The following TRMT5 variants were observed in gnomAD, a reference collection of about 807,000 sequenced individuals.
The protein encoded by TRMT5 is tRNA (guanine(37)-N(1))-methyltransferase.
In TRMT5, 31 loss-of-function variants were observed where a neutral mutation model predicts 42.2. The observed-to-expected ratio is 0.73, with a 90% confidence interval of 0.55 to 0.99. The LOEUF is 0.99. TRMT5 is among the 50% of genes least tolerant of loss of function. The probability of loss-of-function intolerance (pLI) is 0.00; values close to 1 mark genes in which losing one functional copy is unlikely to be tolerated. For synonymous variants in TRMT5, 198 were observed against 209.6 expected (o/e 0.94, Z 0.48); for missense variants, 568 against 595.0 (o/e 0.95, Z 0.47).
Position 60,980,924 on chromosome 14 carries a change from C to G in TRMT5, c.11+39G>C, listed in dbSNP as rs770588616. On this transcript the variant is annotated intron_variant, in intron 1 of 4. Transcript: ENST00000261249. ...AGCAGCCCTGGGCGGGCTGGTACCT[C>G]CCCTGGACCATTAGCCCCTAACGCG... 6.8e-6 allele frequency: 11 copies of G among 1,612,538 alleles called. No individual in the cohort carries two copies. The East Asian group carries it at 2.2e-4, about 33-fold the overall frequency.
chr14:60,980,312 T>C (rs2036932727), intron 1 of TRMT5, among the ~76,000 whole-genome samples: 2 of 152,340 alleles, frequency 1.3e-5, no homozygotes, highest in South Asian at 4.1e-4. Context: ...GATACTGCGC[T>C]AAATGCTTTA....
upstream of TRMT5, chr14:60,981,501 C>T (rs1432377320): frequency 4.6e-6 from 7 of 1,535,538 alleles, no homozygotes; most frequent in Non-Finnish European, 6.1e-6. Context: ...GGAGCCTGAA[C>T]CCTGGGGGAT....
chr14:60,977,218 A>G (rs1276758480), intron 3 of TRMT5, among the ~76,000 whole-genome samples: 1 of 152,188 alleles, frequency 6.6e-6, no homozygotes, highest in Admixed American at 6.5e-5. Flanking sequence ...TTTGTCACTT[A>G]TATTGCTTTC....
intron 3 of TRMT5, among the ~76,000 whole-genome samples, chr14:60,977,035 T>C (rs1362312618): frequency 2.7e-5 from 4 of 150,572 alleles, no homozygotes; most frequent in Non-Finnish European, 5.9e-5. Context: ...TTTGTATGTA[T>C]ATTTTTTTTC....
upstream of TRMT5, chr14:60,981,424 G>A (rs755540095): frequency 1.9e-5 from 29 of 1,553,784 alleles, no homozygotes; most frequent in Non-Finnish European, 2.4e-5. Flanking sequence ...ACGCCCTCCG[G>A]CTTCCCTCAA....
chr14:60,980,753 C>T (rs1302131808), intron 1 of TRMT5: 1 of 701,268 alleles, frequency 1.4e-6, no homozygotes, highest in Non-Finnish European at 2.4e-6. Flanking sequence ...GGATAAATTA[C>T]TATAAGTCTC....
At chr14:60,977,030 A>G (rs1052082635) in intron 3 of TRMT5, among the ~76,000 whole-genome samples, 3 of 152,036 alleles carry the variant, frequency 2.0e-5, no homozygotes, top group African/African-American at 7.2e-5. Context: ...CCCAATTTGT[A>G]TGTATATTTT....
At position 60,981,071 on chromosome 14, in the gene TRMT5, G is replaced by T. The variant is rs1257187124; in HGVS notation, c.-98C>A. 3 of 1,605,206 alleles carry T rather than the reference G, an allele frequency of 1.9e-6. No individual in the cohort carries two copies. The highest frequency in any genetic ancestry group is 4.5e-5 in the East Asian group (2 of 44,752). On this transcript the variant is annotated 5_prime_UTR_variant, in exon 1 of 5. Coordinates refer to ENST00000261249, the MANE Select transcript of TRMT5 (RefSeq NM_020810.3). ...ATGTGGGTCGCGGGTGGATGGGCGGGTCTTCTATGACATCATCACTGTTCG... is the reference window on the plus strand; with the variant it reads ...ATGTGGGTCGCGGGTGGATGGGCGGTTCTTCTATGACATCATCACTGTTCG...
At position 60,979,684 on chromosome 14, in the gene TRMT5, A is replaced by G. The variant is rs183355161; in HGVS notation, c.214T>C (p.Leu72=). 6.8e-6 allele frequency: 11 copies of G among 1,614,126 alleles called. No individual in the cohort carries two copies. In the East Asian group the frequency reaches 1.8e-4, roughly 26 times the overall value. ...CGGACATCAGAAGGTGGTGAAAACA[A>G]TTCAGTCTCTCTCTCATGTGTTTCT... is the stretch of plus-strand genomic sequence containing the variant. ...ETETHERETE[L]FSPPSDVRGM... is the part of the protein sequence containing the mutation. The change falls in exon 2 of 5, where the codon TTG becomes CTG. Residue 72 remains leucine (L), a synonymous_variant. Coordinates refer to ENST00000261249, the MANE Select transcript of TRMT5 (RefSeq NM_020810.3).
At chr14:60,976,401 T>C (rs565296479) in intron 3 of TRMT5, among the ~76,000 whole-genome samples, 1 of 152,350 alleles carries the variant, frequency 6.6e-6, no homozygotes, top group East Asian at 1.9e-4. Flanking sequence ...TATAGGGCCA[T>C]GGCCATAAAG....
intron 1 of TRMT5, 34 bp downstream of exon 1, chr14:60,980,929 G>A (rs1202166910): frequency 6.2e-7 from 1 of 1,612,526 alleles, no homozygotes; most frequent in Non-Finnish European, 8.5e-7. Flanking sequence ...TACCTCCCCT[G>A]GACCATTAGC....
rs891997077 is a variant in TRMT5, at chr14:60,972,051, G to T, written c.*3058C>A. ...ACTAGAAGGGAAAGATGTTTTCCCCGTATCAATCCAGCTTCAGAGATATTC... is the reference window on the plus strand; with the variant it reads ...ACTAGAAGGGAAAGATGTTTTCCCCTTATCAATCCAGCTTCAGAGATATTC... On this transcript the variant is annotated 3_prime_UTR_variant, in exon 5 of 5. Transcript: ENST00000261249. The T allele has an allele frequency of 7.6e-6, 2 of 263,460 alleles. No homozygotes were observed. The highest frequency in any genetic ancestry group is 2.3e-5 in the African/African-American group (1 of 43,686). 16.3% of individuals were successfully genotyped at this position (263,460 alleles called of 1,614,324 possible). A position where few individuals can be genotyped will look rare whatever the true frequency, so the allele number is the denominator to read the frequency against.
chr14:60,979,605 A>G lies in TRMT5; in HGVS notation c.293T>C (p.Val98Ala), dbSNP rs1470802506. Residue 98 changes from valine (V) to alanine (A), a missense_variant, in exon 2 of 5, where the codon GTG (valine) becomes GCG (alanine). Transcript: ENST00000261249. ...TAFKKTVNIP[V>A]LKVRKEIVSK... ...GACTATTTCTTTCCTCACTTTAAGC[A>G]CTGGAATGTTGACTGTCTTTTTAAA... The G allele has an allele frequency of 6.2e-7, 1 of 1,614,114 alleles. No individual in the cohort carries two copies. Among genetic ancestry groups the G allele is most frequent in the Non-Finnish European group, 8.5e-7 (1 of 1,180,042 alleles).
At chr14:60,981,230 C>T (rs772184013), upstream of TRMT5, 2 of 1,562,812 alleles carry the variant, frequency 1.3e-6, no homozygotes, top group South Asian at 1.2e-5. Flanking sequence ...GAGCGCAGGG[C>T]AGGGGTAGAG....
In TRMT5 at chr14:60,974,978, C is replaced by T; in HGVS notation, c.*131G>A. 1 of 536,438 alleles carries T rather than the reference C, an allele frequency of 1.9e-6. No individual in the cohort carries two copies. 33.2% of individuals were successfully genotyped at this position (536,438 alleles called of 1,614,324 possible). ...GTTCAGTTAAAGTTTAATTGGTAAT[C>T]CTCAATTTGTAAAATAAGGCAAAGT... On this transcript the variant is annotated 3_prime_UTR_variant, in exon 5 of 5. Transcript: ENST00000261249.
upstream of TRMT5, chr14:60,981,491 G>A (rs2037016452): frequency 6.5e-7 from 1 of 1,536,874 alleles, no homozygotes; most frequent in Non-Finnish European, 8.7e-7. Flanking sequence ...GGGAGATGCT[G>A]GAGCCTGAAC....
chr14:60,977,421 A>T (rs2036861976), intron 3 of TRMT5, 93 bp downstream of exon 3: 1 of 1,309,838 alleles, frequency 7.6e-7, no homozygotes, highest in African/African-American at 1.5e-5. Flanking sequence ...ACTCACCAAC[A>T]CTGGATGTTA....
chr14:60,977,669 G>C, intron 2 of TRMT5, 31 bp from the exon 3 acceptor site: 1 of 1,547,558 alleles, frequency 6.5e-7, no homozygotes, highest in Non-Finnish European at 8.7e-7. Context: ...CCATAATACT[G>C]CCTATTGGTT....
rs773375166 is a variant in TRMT5 at position 60,979,697 on chromosome 14, C to T, written c.201G>A (p.Glu67=). 5.6e-6 allele frequency: 9 copies of T among 1,614,154 alleles called. No individual in the cohort carries two copies. The highest frequency in any genetic ancestry group is 7.6e-6 in the Non-Finnish European group (9 of 1,180,024). The change falls in exon 2 of 5, where the codon GAG becomes GAA. Residue 67 remains glutamate, a synonymous_variant. Coordinates refer to ENST00000261249, the MANE Select transcript of TRMT5 (RefSeq NM_020810.3). ...GTGGTGAAAACAATTCAGTCTCTCTCTCATGTGTTTCTGTTTCTGGCATGG... is the reference window on the plus strand; with the variant it reads ...GTGGTGAAAACAATTCAGTCTCTCTTTCATGTGTTTCTGTTTCTGGCATGG... The part of the protein sequence containing the change: ...FSTMPETETH[E]RETELFSPPS...
Sources: gnomAD v4.1 joint callset for allele counts (sites outside exome capture counted in the v4.1 genomes callset) on GRCh38, gnomAD v4.1.1 for gene constraint, MANE v1.5 for transcripts, NCBI Gene and HGNC (gene_info 2026-07-23, HGNC 2026-07-21) for gene names.